Variants in ZNF692 observed in about 807,000 individuals in gnomAD.
The protein encoded by ZNF692 is zinc finger protein 692.
A neutral mutation model predicts 49.0 loss-of-function variants in ZNF692; 41 were observed. That is an observed-to-expected ratio of 0.84 (90% CI 0.65 to 1.08). ZNF692 has a LOEUF of 1.08. Among genes scored for constraint, ZNF692 ranks in the 50% least tolerant of loss-of-function variants. The pLI is 0.00. For missense variants in ZNF692, 662 were observed against 662.2 expected, an observed-to-expected ratio of 1.00 and a Z score of 0.00; for synonymous variants, 288 against 251.5, an observed-to-expected ratio of 1.15 and a Z score of -1.37.
In ZNF692 at chr1:248,857,375, A is replaced by T. The variant is rs1660361645; in HGVS notation, c.334T>A (p.Trp112Arg). 2 of 1,613,934 alleles carry T rather than the reference A, an allele frequency of 1.2e-6. No individual in the cohort carries two copies. The highest frequency in any genetic ancestry group is 1.7e-6 in the Non-Finnish European group (2 of 1,180,002). ...GPGGQDGGLV[W>R]ECSAGHTFSW... ...AAGGTATGGCCTGCTGAGCACTCCC[A>T]CACAAGCCCCCCATCTTGGCCGCCA... The change falls in exon 4 of 12, where the codon TGG (tryptophan) becomes AGG (arginine). Residue 112 changes from tryptophan to arginine, a missense_variant. By Grantham distance (101) the Trp-to-Arg change is moderately radical (BLOSUM62 -3). Coordinates refer to ENST00000306601, the MANE Select transcript of ZNF692 (RefSeq NM_017865.4).
Position 248,856,431 on chromosome 1 carries a change from C to T in ZNF692, c.525-9G>A, listed in dbSNP as rs776554674. On this transcript the variant is annotated splice_polypyrimidine_tract_variant and intron_variant, in intron 5 of 11. Coordinates refer to ENST00000306601, the MANE Select transcript of ZNF692 (RefSeq NM_017865.4). ...GTGGGGGTCCCACCCTCCTGCAGGC[C>T]CAAAGAAGGCAAGCCTGAGGTCCTG... 1 of 1,613,900 alleles carries T rather than the reference C, an allele frequency of 6.2e-7. No individual in the cohort carries two copies. Among genetic ancestry groups the T allele is most frequent in the Non-Finnish European group, 8.5e-7 (1 of 1,179,840 alleles).
At position 248,858,378 on chromosome 1, in the gene ZNF692, G is replaced by A. The variant is rs879007454; in HGVS notation, c.-12-57C>T. 2.9e-5 allele frequency: 44 copies of A among 1,523,798 alleles called. No individual in the cohort carries two copies. The South Asian group carries it at 4.8e-4, about 17-fold the overall frequency. The allele number at this position is 1,523,798 out of a possible 1,614,324, so 94.4% of individuals were successfully genotyped here. A position where few individuals can be genotyped will look rare whatever the true frequency, so the allele number is the denominator to read the frequency against. On this transcript the variant is annotated intron_variant, in intron 1 of 11. Transcript: ENST00000306601. This position sits in a 1 kb window ranked among gnomAD's most constrained non-coding sequence, Gnocchi z 4.3. Reference sequence around the variant, plus strand: ...TGCCGATCTCGGGGGTCGGGGACCCGGCTCCACCTGCCGTTAGGGCCTCAG... The same window carrying A: ...TGCCGATCTCGGGGGTCGGGGACCCAGCTCCACCTGCCGTTAGGGCCTCAG...
At chr1:248,851,752 C>A (rs1250279426) in intron 10 of ZNF692, among the ~76,000 whole-genome samples, 1 of 152,200 alleles carries the variant, frequency 6.6e-6, no homozygotes, top group Non-Finnish European at 1.5e-5. Flanking sequence ...CACTGCACCA[C>A]TTCAGAAATT....
Position 248,858,180 on chromosome 1 carries a change from G to C in ZNF692, c.130C>G (p.Arg44Gly). ...TGCGAGTGCAGGGAGAAGCCCAGCCGCTCCTTGAGGAGGCACCACTGCTCC... is the reference window on the plus strand; with the variant it reads ...TGCGAGTGCAGGGAGAAGCCCAGCCCCTCCTTGAGGAGGCACCACTGCTCC... The part of the protein sequence containing the change: ...HMEQWCLLKE[R>G]LGFSLHSQLA... The change falls in exon 2 of 12, where the codon CGG (arginine) becomes GGG (glycine). Residue 44 changes from arginine to glycine, a missense_variant. By Grantham distance (125) the Arg-to-Gly change is moderately radical. Transcript: ENST00000306601. The surrounding 1 kb of genome is among the most constrained non-coding windows in gnomAD (Gnocchi z 4.3). 1 of 1,577,924 alleles carries C rather than the reference G, an allele frequency of 6.3e-7. No homozygotes were observed. The highest frequency in any genetic ancestry group is 8.6e-7 in the Non-Finnish European group (1 of 1,162,142).
chr1:248,850,417 T>C lies in ZNF692; in HGVS notation c.1353A>G (p.Glu451=), dbSNP rs142392243. The C allele has an allele frequency of 1.1e-5, 17 of 1,614,024 alleles. No homozygotes were observed. The African/African-American group carries it at 1.9e-4, about 18-fold the overall frequency. The change falls in exon 12 of 12, where the codon GAA becomes GAG. Residue 451 remains glutamate (E), a synonymous_variant. Coordinates refer to ENST00000306601, the MANE Select transcript of ZNF692 (RefSeq NM_017865.4). The part of the protein sequence containing the change: ...ETVAALRFPC[E]FCGKRFEKPD... ...GCTTCTCAAAGCGCTTGCCGCAGAA[T>C]TCACAGGGGAAGCGCAAGGCAGCCA...
At chr1:248,854,127 G>T in intron 9 of ZNF692, 76 bp from the exon 10 acceptor site, 1 of 1,104,522 alleles carries the variant, frequency 9.1e-7, no homozygotes, top group Non-Finnish European at 1.4e-6. Flanking sequence ...GAACTGAGCT[G>T]ACCCGGCAGG....
chr1:248,858,748 T>C lies in ZNF692; in HGVS notation c.-13+170A>G. 1.6e-6 allele frequency: 1 copy of C among 632,674 alleles called. No homozygotes were observed. The highest frequency in any genetic ancestry group is 2.8e-6 in the Non-Finnish European group (1 of 357,268). The allele number at this position is 632,674 out of a possible 1,614,324, so 39.2% of individuals were successfully genotyped here. Reference sequence around the variant, plus strand: ...TGCAGCTGGGGGCGCTCTTCATAGTTGGGTCGAGTGGCGGTGAGGCCGTGG... The same window carrying C: ...TGCAGCTGGGGGCGCTCTTCATAGTCGGGTCGAGTGGCGGTGAGGCCGTGG... On this transcript the variant is annotated intron_variant, in intron 1 of 11. Transcript: ENST00000306601. This position sits in a 1 kb window ranked among gnomAD's most constrained non-coding sequence, Gnocchi z 4.3.
rs1660262989 is a variant in ZNF692, at chr1:248,856,581, C to T, written c.476-19G>A. 6.2e-7 allele frequency: 1 copy of T among 1,613,848 alleles called. No individual in the cohort carries two copies. The highest frequency in any genetic ancestry group is 1.3e-5 in the African/African-American group (1 of 74,916). On this transcript the variant is annotated intron_variant, in intron 4 of 11. Coordinates refer to ENST00000306601, the MANE Select transcript of ZNF692 (RefSeq NM_017865.4). ...TCCAAATCTGTGGGACAGGCAAAGT[C>T]AAAAGAGAAGGAACTCTGGACTCAA...
At chr1:248,855,667 C>T (rs746761126) in intron 7 of ZNF692, 32 bp from the exon 8 acceptor site, 12 of 1,614,158 alleles carry the variant, frequency 7.4e-6, no homozygotes, top group Admixed American at 1.7e-5. Flanking sequence ...CAGAGGGCCT[C>T]GAGGGAGGGC....
At chr1:248,853,895 G>A (rs1342365610) in intron 10 of ZNF692, 42 bp downstream of exon 10, 1 of 1,511,666 alleles carries the variant, frequency 6.6e-7, no homozygotes, top group Non-Finnish European at 9.2e-7. Context: ...CACAAAGGAA[G>A]GTAAAAGGTC....
In ZNF692 at chr1:248,855,418, C is replaced by T; in HGVS notation, c.1000G>A (p.Gly334Ser). ...CGGTTGGAGAAGATCCTTCCACAGCCAGGGAAGTCACAAGGCATCAGCTCT... is the reference window on the plus strand; with the variant it reads ...CGGTTGGAGAAGATCCTTCCACAGCTAGGGAAGTCACAAGGCATCAGCTCT... The part of the protein sequence containing the change: ...KRELMPCDFP[G>S]CGRIFSNRQY... The change falls in exon 9 of 12, where the codon GGC becomes AGC. Residue 334 changes from glycine (G) to serine (S), a missense_variant. Coordinates refer to ENST00000306601, the MANE Select transcript of ZNF692 (RefSeq NM_017865.4). 6.2e-7 allele frequency: 1 copy of T among 1,614,156 alleles called. No homozygotes were observed. The highest frequency in any genetic ancestry group is 8.5e-7 in the Non-Finnish European group (1 of 1,180,042).
rs777239581 is a variant in ZNF692 at position 248,857,827 on chromosome 1, C to T, written c.211+1G>A. The T allele has an allele frequency of 5.6e-6, 9 of 1,614,026 alleles. No individual in the cohort carries two copies. The highest frequency in any genetic ancestry group is 1.7e-4 in the Middle Eastern group (1 of 6,056). On this transcript the variant is annotated splice_donor_variant, in intron 3 of 11. Transcript: ENST00000306601. LOFTEE classifies it high-confidence loss of function. ...CTCACCCCCTGCCATCCCCTACCTA[C>T]CTGCACAGAGGACACAGCCTGAAGA...
At position 248,856,408 on chromosome 1, in the gene ZNF692, G is replaced by T; in HGVS notation, c.539C>A (p.Pro180Gln). ...EARLPRRVGP[P>Q]PETFPPPGEE... is the part of the protein sequence containing the mutation. ...TCCTGGAGGTGGGAAGGTCTCTGGT[G>T]GGGGTCCCACCCTCCTGCAGGCCCA... The change falls in exon 6 of 12, where the codon CCA becomes CAA. Residue 180 changes from proline (P) to glutamine (Q), a missense_variant. Coordinates refer to ENST00000306601, the MANE Select transcript of ZNF692 (RefSeq NM_017865.4). 6.2e-7 allele frequency: 1 copy of T among 1,613,270 alleles called. No individual in the cohort carries two copies. Among genetic ancestry groups the T allele is most frequent in the Non-Finnish European group, 8.5e-7 (1 of 1,179,482 alleles).
At chr1:248,857,121 T>TA in intron 4 of ZNF692, 113 bp downstream of exon 4, 1 of 1,128,166 alleles carries the variant, frequency 8.9e-7, no homozygotes, top group Non-Finnish European at 1.3e-6. Flanking sequence ...TTTGTCAAGA[T>TA]AGAGTTTTTC....
intron 9 of ZNF692, 164 bp from the exon 10 acceptor site, chr1:248,854,215 C>A (rs551543169): frequency 3.3e-5 from 20 of 600,876 alleles, no homozygotes; most frequent in Non-Finnish European, 6.0e-5. Context: ...CCTTGAGGCT[C>A]AGTCCTCACC....
intron 9 of ZNF692, among the ~76,000 whole-genome samples, chr1:248,854,914 AG>A (rs1273096733): frequency 4.6e-5 from 7 of 151,952 alleles, no homozygotes; most frequent in African/African-American, 1.5e-4. Flanking sequence ...TCACCATCCC[AG>A]TGTCTGTGGC....
chr1:248,855,640 G>C lies in ZNF692; in HGVS notation c.882-5C>G. 1.2e-6 allele frequency: 2 copies of C among 1,614,166 alleles called. No individual in the cohort carries two copies. Among genetic ancestry groups the C allele is most frequent in the Non-Finnish European group, 1.7e-6 (2 of 1,180,040 alleles). On this transcript the variant is annotated splice_polypyrimidine_tract_variant and splice_region_variant and intron_variant, in intron 7 of 11. Transcript: ENST00000306601. ...GACTGGGCCTGACTCCCAGTGCTAC[G>C]GGCAGCAAAGAGGGAGCAGAGGGCC...
At position 248,858,850 on chromosome 1, in the gene ZNF692, C is replaced by G; in HGVS notation, c.-13+68G>C. The G allele has an allele frequency of 2.1e-6, 1 of 477,804 alleles. No individual in the cohort carries two copies. The highest frequency in any genetic ancestry group is 2.2e-5 in the South Asian group (1 of 44,796). The allele number at this position is 477,804 out of a possible 1,614,324, so 29.6% of individuals were successfully genotyped here. A position where few individuals can be genotyped will look rare whatever the true frequency, so the allele number is the denominator to read the frequency against. ...TAATGCTGACAGTGAGTGGAGCGGA[C>G]TAATCCCAATGGCAGTTCCCAGGCT... On this transcript the variant is annotated intron_variant, in intron 1 of 11. Coordinates refer to ENST00000306601, the MANE Select transcript of ZNF692 (RefSeq NM_017865.4). This position sits in a 1 kb window ranked among gnomAD's most constrained non-coding sequence, Gnocchi z 4.3.
At chr1:248,851,582 C>T (rs1298779689) in intron 10 of ZNF692, among the ~76,000 whole-genome samples, 1 of 150,484 alleles carries the variant, frequency 6.6e-6, no homozygotes, top group Non-Finnish European at 1.5e-5. Flanking sequence ...CCTCCTTTGG[C>T]CCCATCACTC....
Sources: allele counts gnomAD v4.1 joint callset (sites outside exome capture counted in the v4.1 genomes callset), GRCh38; gene constraint gnomAD v4.1.1; non-coding constraint Gnocchi (gnomAD v3.1); transcripts MANE v1.5; gene names NCBI Gene and HGNC (gene_info 2026-07-23, HGNC 2026-07-21).